Variants in ARHGAP42 observed in about 807,000 individuals in gnomAD.
ARHGAP42 encodes Rho GTPase activating protein 42.
Under a neutral mutation model 125.0 loss-of-function variants are expected in ARHGAP42, and 63 were observed. That is an observed-to-expected ratio of 0.50 (90% CI 0.41 to 0.62). The LOEUF (loss-of-function observed/expected upper bound fraction) is 0.62, where lower values mean the gene tolerates loss of function less well. Ranked by LOEUF, ARHGAP42 falls within the 20% of genes least tolerant of loss-of-function variation. The pLI, the probability that ARHGAP42 is intolerant of heterozygous loss-of-function variation, is 0.00. For missense variants in ARHGAP42, 766 were observed against 1,024.2 expected (o/e 0.75, Z 3.44); for synonymous variants, 339 against 351.0 (o/e 0.97, Z 0.38).
intron 3 of ARHGAP42, among the ~76,000 whole-genome samples, chr11:100,835,892 G>T (rs1864776823): frequency 6.6e-6 from 1 of 151,962 alleles, no homozygotes; most frequent in Non-Finnish European, 1.5e-5. Context: ...CAGTGTGTTT[G>T]AATATTTCTT....
At chr11:100,764,426 G>C (rs986280595) in intron 1 of ARHGAP42, among the ~76,000 whole-genome samples, 5 of 152,162 alleles carry the variant, frequency 3.3e-5, no homozygotes, top group Admixed American at 1.3e-4. Context: ...TTGGAGTCCA[G>C]CTCTTAGACT....
intron 2 of ARHGAP42, among the ~76,000 whole-genome samples, chr11:100,774,078 T>A (rs576150610): frequency 1.4e-4 from 22 of 152,304 alleles, no homozygotes; most frequent in African/African-American, 5.1e-4. Flanking sequence ...TATTCAACAC[T>A]TTTTACCCTT....
chr11:100,765,599 C>A (rs1862811220), intron 1 of ARHGAP42, among the ~76,000 whole-genome samples: 1 of 152,192 alleles, frequency 6.6e-6, no homozygotes, highest in Non-Finnish European at 1.5e-5. Flanking sequence ...TTATTAATCT[C>A]TGTCAGAGAA....
At chr11:100,903,709 A>AAAAAATATATATATAT (rs1332890022) in intron 4 of ARHGAP42, among the ~76,000 whole-genome samples, 4 of 63,506 alleles carry the variant, frequency 6.3e-5, no homozygotes, top group African/African-American at 2.7e-4. Flanking sequence ...TGTCCCTCAA[A>AAAAAATATATATATAT]ATATATATAT....
chr11:100,917,634 T>C (rs1867109676), intron 5 of ARHGAP42, among the ~76,000 whole-genome samples: 1 of 152,174 alleles, frequency 6.6e-6, no homozygotes, highest in Non-Finnish European at 1.5e-5. Context: ...TGTGGAGGCA[T>C]GATCTTGGCT....
At chr11:100,951,265 G>C (rs1857640620) in intron 12 of ARHGAP42, among the ~76,000 whole-genome samples, 1 of 151,822 alleles carries the variant, frequency 6.6e-6, no homozygotes, top group African/African-American at 2.4e-5. Flanking sequence ...ACTATTTCCA[G>C]TTTTTATTCT....
intron 4 of ARHGAP42, among the ~76,000 whole-genome samples, chr11:100,911,891 A>G (rs1866930282): frequency 6.6e-6 from 1 of 152,120 alleles, no homozygotes; most frequent in African/African-American, 2.4e-5. Flanking sequence ...TTATTTGAAT[A>G]GTTTGATTTA....
chr11:100,894,904 G>T (rs537528228), intron 4 of ARHGAP42, among the ~76,000 whole-genome samples: 11 of 152,218 alleles, frequency 7.2e-5, no homozygotes, highest in African/African-American at 2.6e-4. Context: ...TATGCATCTG[G>T]GGTCATTTGC....
chr11:100,875,095 CTCTCTCTCTCTCTGTGTGTGTG>C (rs902752769), intron 4 of ARHGAP42, among the ~76,000 whole-genome samples: 4 of 94,806 alleles, frequency 4.2e-5, no homozygotes, highest in Non-Finnish European at 6.7e-5. Flanking sequence ...CTCTCTCTCT[CTCTCTCTCTCTCTGTGTGTGTG>C]TGTGTGTGTG....
chr11:100,768,116 A>G (rs1368816327), intron 1 of ARHGAP42, among the ~76,000 whole-genome samples: 1 of 152,198 alleles, frequency 6.6e-6, no homozygotes, highest in Non-Finnish European at 1.5e-5. Context: ...ATAGGACCAC[A>G]ATTATTCTGT....
At chr11:100,971,228 T>G (rs1327787826) in intron 17 of ARHGAP42, among the ~76,000 whole-genome samples, 1 of 152,194 alleles carries the variant, frequency 6.6e-6, no homozygotes, top group Non-Finnish European at 1.5e-5. Context: ...GTTATGGTTT[T>G]AAATAATAAT....
chr11:100,758,468 A>C (rs1862625485), intron 1 of ARHGAP42, among the ~76,000 whole-genome samples: 1 of 152,198 alleles, frequency 6.6e-6, no homozygotes, highest in Admixed American at 6.6e-5. Flanking sequence ...ACCTTTTGGA[A>C]TACGGACAGT....
chr11:100,764,288 C>A (rs559071671), intron 1 of ARHGAP42, among the ~76,000 whole-genome samples: 1 of 152,076 alleles, frequency 6.6e-6, no homozygotes, highest in African/African-American at 2.4e-5. Flanking sequence ...CCTCCCAAAG[C>A]GTTGAGATTA....
chr11:100,973,405 C>T (rs1040188440), intron 18 of ARHGAP42, 71 bp downstream of exon 18: 2 of 1,456,240 alleles, frequency 1.4e-6, no homozygotes. Flanking sequence ...TGCATTTGAT[C>T]TGTGAGCTCA....
intron 3 of ARHGAP42, among the ~76,000 whole-genome samples, chr11:100,795,945 C>T (rs1863699691): frequency 6.6e-6 from 1 of 152,146 alleles, no homozygotes; most frequent in Non-Finnish European, 1.5e-5. Context: ...ATTTAACTGA[C>T]CTCACTGTCC....
intron 6 of ARHGAP42, among the ~76,000 whole-genome samples, chr11:100,927,845 T>C (rs558265449): frequency 6.6e-6 from 1 of 152,348 alleles, no homozygotes; most frequent in Admixed American, 6.5e-5. Context: ...TGCACGTAAT[T>C]GTCCATTCAT....
intron 4 of ARHGAP42, among the ~76,000 whole-genome samples, chr11:100,896,581 G>C (rs1866371259): frequency 6.6e-6 from 1 of 152,154 alleles, no homozygotes; most frequent in African/African-American, 2.4e-5. Context: ...GCATTTCTCT[G>C]ATGACTAGTG....
chr11:100,710,930 AC>A (rs1295934681), intron 1 of ARHGAP42, among the ~76,000 whole-genome samples: 1 of 151,926 alleles, frequency 6.6e-6, no homozygotes, highest in Non-Finnish European at 1.5e-5. Flanking sequence ...GTGGTGCCAC[AC>A]CCCCTCAGAT....
intron 3 of ARHGAP42, among the ~76,000 whole-genome samples, chr11:100,824,000 G>A (rs1356564035): frequency 1.3e-5 from 2 of 152,174 alleles, no homozygotes; most frequent in Admixed American, 6.5e-5. Flanking sequence ...TTTCAATCAA[G>A]TAGAGCATTG....
Sources: gnomAD v4.1 joint callset for allele counts (sites outside exome capture counted in the v4.1 genomes callset) on GRCh38, gnomAD v4.1.1 for gene constraint, MANE v1.5 for transcripts, NCBI Gene and HGNC (gene_info 2026-07-23, HGNC 2026-07-21) for gene names.